Variants in PFDN1 observed in about 807,000 individuals in gnomAD.
PFDN1 encodes prefoldin subunit 1, also known as prefoldin 1.
A neutral mutation model predicts 17.3 loss-of-function variants in PFDN1; 6 were observed. The ratio of observed to expected loss-of-function variants is 0.35; its 90% CI spans 0.19 to 0.69. PFDN1 has a LOEUF of 0.69. Ranked by LOEUF, PFDN1 falls within the 30% of genes least tolerant of loss-of-function variation. PFDN1 has a pLI of 0.65. For synonymous variants in PFDN1, 58 were observed against 50.1 expected, an observed-to-expected ratio of 1.16 and a Z score of -0.67; for missense variants, 113 against 146.2, an observed-to-expected ratio of 0.77 and a Z score of 1.17.
At chr5:140,266,283 G>C (rs1312216270) in intron 3 of PFDN1, among the ~76,000 whole-genome samples, 1 of 152,094 alleles carries the variant, frequency 6.6e-6, no homozygotes, top group Non-Finnish European at 1.5e-5. Flanking sequence ...TCACCATCCT[G>C]GTCCAACCTA....
At chr5:140,277,304 A>G (rs1765311539) in intron 3 of PFDN1, among the ~76,000 whole-genome samples, 1 of 152,184 alleles carries the variant, frequency 6.6e-6, no homozygotes, top group African/African-American at 2.4e-5. Flanking sequence ...GATCAGATTT[A>G]ACATTTTAGA....
At chr5:140,286,842 G>T (rs13161399) in intron 2 of PFDN1, among the ~76,000 whole-genome samples, 72,436 of 151,706 alleles carry the variant, frequency 0.48, 17,520 homozygotes, top group South Asian at 0.71. Context: ...TGACCTCAGG[G>T]GATCCAACCG....
intron 3 of PFDN1, among the ~76,000 whole-genome samples, chr5:140,278,575 A>G (rs1288988216): frequency 6.6e-6 from 1 of 150,700 alleles, no homozygotes; most frequent in Admixed American, 6.6e-5. Context: ...AAAAAAAAAA[A>G]AAAAAAAAAA....
intron 3 of PFDN1, among the ~76,000 whole-genome samples, chr5:140,276,153 CA>C (rs1436709446): frequency 6.6e-6 from 1 of 152,066 alleles, no homozygotes; most frequent in East Asian, 1.9e-4. Context: ...GGAGCAACAC[CA>C]AGGACTTGGG....
At chr5:140,259,390 A>G (rs1765032872) in intron 3 of PFDN1, among the ~76,000 whole-genome samples, 1 of 152,238 alleles carries the variant, frequency 6.6e-6, no homozygotes, top group East Asian at 1.9e-4. Flanking sequence ...AGAAGCATCA[A>G]TATAATTATG....
At chr5:140,251,496 C>A (rs1764912657) in intron 3 of PFDN1, among the ~76,000 whole-genome samples, 1 of 152,172 alleles carries the variant, frequency 6.6e-6, no homozygotes, top group South Asian at 2.1e-4. Flanking sequence ...ACTGCTCTAT[C>A]CGATGTCAGC....
At chr5:140,302,579 T>C (rs1408768166) in intron 1 of PFDN1, among the ~76,000 whole-genome samples, 1 of 152,156 alleles carries the variant, frequency 6.6e-6, no homozygotes, top group Non-Finnish European at 1.5e-5. Flanking sequence ...ACTGTAGATA[T>C]TGCAACTTTC....
chr5:140,255,786 G>A (rs758668828), intron 3 of PFDN1, among the ~76,000 whole-genome samples: 4 of 152,044 alleles, frequency 2.6e-5, no homozygotes, highest in East Asian at 1.9e-4. Context: ...CCTTCTTGGT[G>A]AGGCAAACCA....
At chr5:140,291,679 G>A (rs201031710) in intron 2 of PFDN1, among the ~76,000 whole-genome samples, 4,268 of 142,706 alleles carry the variant, frequency 0.03, 196 homozygotes, top group African/African-American at 0.1. Flanking sequence ...CAAAAAAAAA[G>A]AAAAAAAAAA....
intron 3 of PFDN1, among the ~76,000 whole-genome samples, chr5:140,262,790 A>G (rs1351061756): frequency 6.8e-6 from 1 of 146,938 alleles, no homozygotes; most frequent in East Asian, 2.0e-4. Context: ...TCATTTGTGT[A>G]AAAAAAAAAA....
At chr5:140,273,849 C>A in intron 3 of PFDN1, 1 of 951,616 alleles carries the variant, frequency 1.1e-6, no homozygotes, top group African/African-American at 1.8e-5. Flanking sequence ...GGGAAGGAAG[C>A]TGGTGAACCT....
chr5:140,286,430 GAAAAGAA>G (rs1765490987), intron 2 of PFDN1, among the ~76,000 whole-genome samples: 1 of 119,294 alleles, frequency 8.4e-6, no homozygotes, highest in Non-Finnish European at 1.8e-5. Context: ...AAAAAAAAAA[GAAAAGAA>G]AAAAGAAAAA....
rs1765727595 is a variant in PFDN1, at chr5:140,300,509, T to C, written c.107A>G (p.Gln36Arg). Residue 36 changes from glutamine to arginine, a missense_variant, in exon 2 of 4, where the codon CAG becomes CGG. Gln to Arg is a conservative substitution (Grantham distance 43). Transcript: ENST00000261813. ...KVKLADIQIE[Q>R]LNRTKKHAHL... ...TGCATGCTTTTTCGTTCTGTTTAGCTGTTCAATCTGTATGTCTGCGAGCTT... is the reference window on the plus strand; with the variant it reads ...TGCATGCTTTTTCGTTCTGTTTAGCCGTTCAATCTGTATGTCTGCGAGCTT... 6.2e-7 allele frequency: 1 copy of C among 1,613,160 alleles called. No individual in the cohort carries two copies. The highest frequency in any genetic ancestry group is 1.1e-5 in the South Asian group (1 of 91,010).
At position 140,245,099 on chromosome 5, in the gene PFDN1, G is replaced by GT; in HGVS notation, c.*874dup. On this transcript the variant is annotated 3_prime_UTR_variant, in exon 4 of 4. Coordinates refer to ENST00000261813, the MANE Select transcript of PFDN1 (RefSeq NM_002622.5). ...TGCATTTTGAATATTTATTGTCCTT[G>GT]TTTTTAACATAATTTGCAAATTTAC... 4.5e-6 allele frequency: 1 copy of GT among 220,572 alleles called. No homozygotes were observed. Among genetic ancestry groups the GT allele is most frequent in the East Asian group, 1.2e-4 (1 of 8,290 alleles). 13.7% of individuals were successfully genotyped at this position (220,572 alleles called of 1,614,324 possible).
At chr5:140,250,826 G>A (rs1764902454) in intron 3 of PFDN1, among the ~76,000 whole-genome samples, 1 of 152,118 alleles carries the variant, frequency 6.6e-6, no homozygotes, top group Admixed American at 6.5e-5. Context: ...CTCACCCCCT[G>A]CCCCTGGATA....
chr5:140,290,516 T>C (rs1765564323), intron 2 of PFDN1, among the ~76,000 whole-genome samples: 1 of 152,064 alleles, frequency 6.6e-6, no homozygotes, highest in African/African-American at 2.4e-5. Flanking sequence ...ATGACATGAG[T>C]AAATCTCAGA....
chr5:140,283,777 A>G (rs1393576177), intron 2 of PFDN1, among the ~76,000 whole-genome samples: 1 of 152,264 alleles, frequency 6.6e-6, no homozygotes, highest in Non-Finnish European at 1.5e-5. Context: ...TGAAGAGAAG[A>G]GTTGTTTTGA....
chr5:140,252,106 A>G (rs936841986), intron 3 of PFDN1, among the ~76,000 whole-genome samples: 2 of 151,598 alleles, frequency 1.3e-5, no homozygotes, highest in Non-Finnish European at 2.9e-5. Flanking sequence ...GGGCAATACC[A>G]GTGCATCCCT....
intron 2 of PFDN1, among the ~76,000 whole-genome samples, chr5:140,295,864 T>C (rs570849491): frequency 9.2e-5 from 14 of 151,974 alleles, no homozygotes; most frequent in East Asian, 5.8e-4. Flanking sequence ...AAAAAAAAAA[T>C]CTGACTTACA....
Sources: gnomAD v4.1 joint callset for allele counts (sites outside exome capture counted in the v4.1 genomes callset) on GRCh38, gnomAD v4.1.1 for gene constraint, MANE v1.5 for transcripts, NCBI Gene and HGNC (gene_info 2026-07-23, HGNC 2026-07-21) for gene names.